NEB: variants seen among roughly 807,000 people sequenced by gnomAD.
The protein encoded by NEB is nebulin.
Under a neutral mutation model 952.2 loss-of-function variants are expected in NEB, and 512 were observed. That is an observed-to-expected ratio of 0.54 (90% CI 0.50 to 0.58). The LOEUF is 0.58. Among genes scored for constraint, NEB ranks in the 20% least tolerant of loss-of-function variants. The probability of loss-of-function intolerance (pLI) is 0.00; values close to 1 mark genes in which losing one functional copy is unlikely to be tolerated. For missense variants in NEB, 8,428 were observed against 9,231.1 expected (o/e 0.91, Z 3.56); for synonymous variants, 2,900 against 3,149.8 (o/e 0.92, Z 2.66).
chr2:151,662,048 T>C (rs1320543319), intron 46 of NEB, 87 bp downstream of exon 46: 11 of 1,186,174 alleles, frequency 9.3e-6, no homozygotes, highest in African/African-American at 4.6e-5. Flanking sequence ...GCCCTATAAC[T>C]GTATTAGCAA....
Position 151,492,394 on chromosome 2 carries a change from A to C in NEB, c.24866T>G (p.Ile8289Ser), listed in dbSNP as rs772619527. The C allele has an allele frequency of 6.2e-7, 1 of 1,603,312 alleles. No individual in the cohort carries two copies. ...MRRVRETQRH[I>S]STVKYHEDFE... is the part of the protein sequence containing the mutation. ...AAAGAATTCCTGACTCACCGTTGAGATGTGCCGTTGGGTCTCCCTCACCCG... is the reference window on the plus strand; with the variant it reads ...AAAGAATTCCTGACTCACCGTTGAGCTGTGCCGTTGGGTCTCCCTCACCCG... The change falls in exon 177 of 182, where the codon ATC becomes AGC. Residue 8289 changes from isoleucine to serine, a missense_variant. Ile to Ser is a moderately radical substitution (Grantham distance 142). Around this residue, in one of 11 missense-constraint regions of NEB, gnomAD observed 3,374 missense variants for 3,651.5 expected, o/e 0.92. Coordinates refer to ENST00000397345, the MANE Select transcript of NEB (RefSeq NM_001164508.2).
intron 84 of NEB, among the ~76,000 whole-genome samples, chr2:151,605,543 C>G (rs1384910522): frequency 1.6e-5 from 2 of 122,954 alleles, no homozygotes; most frequent in Non-Finnish European, 3.8e-5. Flanking sequence ...ATGAGTGTCT[C>G]AGGACTAGTG....
chr2:151,706,835 C>T, intron 13 of NEB, 46 bp downstream of exon 13: 7 of 1,385,206 alleles, frequency 5.1e-6, no homozygotes, highest in Non-Finnish European at 7.0e-6. Flanking sequence ...ATTTTCATCT[C>T]TTTTGCAGCT....
At chr2:151,561,911 A>G (rs1466797024) in intron 121 of NEB, among the ~76,000 whole-genome samples, 199 bp downstream of exon 121, 2 of 152,172 alleles carry the variant, frequency 1.3e-5, no homozygotes, top group Non-Finnish European at 2.9e-5. Flanking sequence ...ATTGCCTTAA[A>G]CCAAAGGAGA....
At chr2:151,722,603 G>A (rs1206313840) in intron 9 of NEB, among the ~76,000 whole-genome samples, 2 of 152,156 alleles carry the variant, frequency 1.3e-5, no homozygotes, top group African/African-American at 2.4e-5. Flanking sequence ...GAGTGCAGTG[G>A]CTTGATCATA....
rs750111822 is a variant in NEB at position 151,609,890 on chromosome 2, G to A, written c.12249C>T (p.Arg4083=). Residue 4083 remains arginine (R), a synonymous_variant, in exon 81 of 182, where the codon CGC becomes CGT. Transcript: ENST00000397345. The part of the protein sequence containing the change: ...CQTLVTDIDY[R]NYLHEWTCMP... Reference sequence around the variant, plus strand: ...TGCATGTCCATTCATGCAGGTAATTGCGATAATCAATGTCAGTGACCAAAG... The same window carrying A: ...TGCATGTCCATTCATGCAGGTAATTACGATAATCAATGTCAGTGACCAAAG... 1.7e-5 allele frequency: 28 copies of A among 1,613,334 alleles called. No individual in the cohort carries two copies. The highest frequency in any genetic ancestry group is 2.3e-5 in the Non-Finnish European group (27 of 1,179,544).
chr2:151,610,977 T>C (rs2097928750), intron 78 of NEB, 111 bp from the exon 79 acceptor site: 11 of 648,782 alleles, frequency 1.7e-5, no homozygotes, highest in East Asian at 5.6e-5. Context: ...CATTTAACTA[T>C]AAAATAGCTC....
intron 137 of NEB, 88 bp downstream of exon 137, chr2:151,540,609 G>A (rs564543405): frequency 1.6e-6 from 2 of 1,234,924 alleles, no homozygotes; most frequent in Admixed American, 1.9e-5. Flanking sequence ...TTATAGTAAT[G>A]AGCTCTCTGA....
At chr2:151,722,780 T>A (rs980079918) in intron 9 of NEB, among the ~76,000 whole-genome samples, 1 of 152,124 alleles carries the variant, frequency 6.6e-6, no homozygotes, top group Non-Finnish European at 1.5e-5. Flanking sequence ...GACTCCTGGC[T>A]TCAAGCAATC....
intron 74 of NEB, among the ~76,000 whole-genome samples, 199 bp from the exon 75 acceptor site, chr2:151,617,667 A>C (rs1200556908): frequency 6.6e-6 from 1 of 152,170 alleles, no homozygotes; most frequent in Non-Finnish European, 1.5e-5. Flanking sequence ...TCGGTTATGA[A>C]AAGTATAATT....
At chr2:151,541,148 G>A (rs572797277) in intron 136 of NEB, among the ~76,000 whole-genome samples, 3 of 152,078 alleles carry the variant, frequency 2.0e-5, no homozygotes, top group East Asian at 1.9e-4. Context: ...ATACAGCTTC[G>A]TTTGTCTGCG....
chr2:151,692,467 A>C, intron 20 of NEB, 105 bp from the exon 21 acceptor site: 1 of 870,426 alleles, frequency 1.1e-6, no homozygotes, highest in Non-Finnish European at 1.9e-6. Flanking sequence ...GGCAAAATTT[A>C]TGTTTTCTCA....
At chr2:151,642,187 G>A (rs2098872300) in intron 60 of NEB, among the ~76,000 whole-genome samples, 1 of 152,208 alleles carries the variant, frequency 6.6e-6, no homozygotes, top group Non-Finnish European at 1.5e-5. Flanking sequence ...TGAGTAATGT[G>A]TCCTATAATT....
chr2:151,541,393 T>A (rs2094040072), intron 136 of NEB, 54 bp downstream of exon 136: 4 of 1,413,046 alleles, frequency 2.8e-6, no homozygotes, highest in Non-Finnish European at 3.9e-6. Context: ...GCCAGGCACA[T>A]ATAATCACCC....
chr2:151,575,859 T>G (rs2096809653), intron 106 of NEB, 60 bp from the exon 107 acceptor site: 7 of 1,148,994 alleles, frequency 6.1e-6, no homozygotes, highest in African/African-American at 1.5e-5. Flanking sequence ...CTAGTCCCAC[T>G]ATGCAACTTT....
intron 65 of NEB, among the ~76,000 whole-genome samples, chr2:151,631,773 G>A (rs145079286): frequency 6.6e-6 from 1 of 152,272 alleles, no homozygotes; most frequent in African/African-American, 2.4e-5. Context: ...TTTATGACAT[G>A]TAGAAATGTC....
intron 68 of NEB, among the ~76,000 whole-genome samples, chr2:151,628,233 G>A (rs1477411178): frequency 1.3e-5 from 2 of 152,136 alleles, no homozygotes; most frequent in Admixed American, 6.5e-5. Flanking sequence ...TTTTACATAT[G>A]ATTTTGAGAC....
At position 151,568,406 on chromosome 2, in the gene NEB, C is replaced by T. The variant is rs1430827486; in HGVS notation, c.17646G>A (p.Arg5882=). The T allele has an allele frequency of 6.3e-7, 1 of 1,582,034 alleles. No homozygotes were observed. Residue 5882 remains arginine, a synonymous_variant, in exon 112 of 182, where the codon CGG becomes CGA. Transcript: ENST00000397345. ...TTGATTTGGTGGCATTCCAGTCTTTCCGGTATTTAATCTAAAAAAAAAAAA... is the reference window on the plus strand; with the variant it reads ...TTGATTTGGTGGCATTCCAGTCTTTTCGGTATTTAATCTAAAAAAAAAAAA... ...SGEILDDIKY[R]KDWNATKSKY...
intron 128 of NEB, 78 bp downstream of exon 128, chr2:151,552,594 C>T: frequency 5.1e-6 from 5 of 988,938 alleles, no homozygotes; most frequent in Non-Finnish European, 6.3e-6. Flanking sequence ...ACTGCCCAGT[C>T]TATGGTTTTT....
Sources: allele counts gnomAD v4.1 joint callset (sites outside exome capture counted in the v4.1 genomes callset), GRCh38; gene constraint gnomAD v4.1.1; regional missense constraint gnomAD v4.1.1; transcripts MANE v1.5; gene names NCBI Gene and HGNC (gene_info 2026-07-23, HGNC 2026-07-21).